Variants in NEDD4 observed in about 807,000 individuals in gnomAD.
The protein encoded by NEDD4 is E3 ubiquitin-protein ligase NEDD4.
A neutral mutation model predicts 144.9 loss-of-function variants in NEDD4; 99 were observed. That is an observed-to-expected ratio of 0.68 (90% CI 0.58 to 0.81). NEDD4 has a LOEUF of 0.81. NEDD4 is among the 30% of genes least tolerant of loss of function. The probability of loss-of-function intolerance (pLI) is 0.00; values close to 1 mark genes in which losing one functional copy is unlikely to be tolerated. For missense variants in NEDD4, 985 were observed against 1,065.9 expected, an observed-to-expected ratio of 0.92 and a Z score of 1.06; for synonymous variants, 318 against 350.6, an observed-to-expected ratio of 0.91 and a Z score of 1.04.
At chr15:55,906,885 C>T (rs2036118277) in intron 5 of NEDD4, among the ~76,000 whole-genome samples, 1 of 152,114 alleles carries the variant, frequency 6.6e-6, no homozygotes, top group Admixed American at 6.5e-5. Context: ...CACTTGAGGT[C>T]AGAGGTTCAA....
chr15:55,878,235 G>A (rs190585453), intron 5 of NEDD4, among the ~76,000 whole-genome samples: 73 of 151,798 alleles, frequency 4.8e-4, no homozygotes, highest in Middle Eastern at 3.4e-3. Flanking sequence ...ATGATGATGA[G>A]TATTACCACA....
intron 1 of NEDD4, among the ~76,000 whole-genome samples, chr15:55,969,473 T>A (rs2037572190): frequency 6.6e-6 from 1 of 152,112 alleles, no homozygotes; most frequent in Non-Finnish European, 1.5e-5. Context: ...AAGGGTGTGC[T>A]TGTGTCACCC....
intron 5 of NEDD4, among the ~76,000 whole-genome samples, chr15:55,880,603 T>C (rs2035152690): frequency 6.6e-6 from 1 of 152,162 alleles, no homozygotes; most frequent in Non-Finnish European, 1.5e-5. Flanking sequence ...GAGGATATAC[T>C]TCACCAAAAT....
At chr15:55,952,053 G>A (rs2037250168) in intron 2 of NEDD4, among the ~76,000 whole-genome samples, 1 of 151,302 alleles carries the variant, frequency 6.6e-6, no homozygotes, top group Admixed American at 6.6e-5. Context: ...GTGTGGCCGC[G>A]CACGGTGGCT....
intron 1 of NEDD4, among the ~76,000 whole-genome samples, chr15:55,972,323 A>G (rs1304828509): frequency 6.6e-6 from 1 of 152,198 alleles, no homozygotes; most frequent in Non-Finnish European, 1.5e-5. Context: ...AACAATTTCT[A>G]AAGTCATAGA....
At chr15:55,898,104 C>G (rs577883266) in intron 5 of NEDD4, among the ~76,000 whole-genome samples, 4 of 152,210 alleles carry the variant, frequency 2.6e-5, no homozygotes, top group Admixed American at 6.5e-5. Context: ...TCAGATAAAA[C>G]TACCCCACTT....
intron 4 of NEDD4, among the ~76,000 whole-genome samples, chr15:55,936,776 A>G (rs923396897): frequency 1.5e-4 from 22 of 150,694 alleles, no homozygotes; most frequent in Admixed American, 6.6e-5. Flanking sequence ...GATTTTAATT[A>G]TAATTTGCTA....
At chr15:55,924,427 T>C (rs1595849145) in intron 5 of NEDD4, 2 of 519,700 alleles carry the variant, frequency 3.8e-6, no homozygotes, top group East Asian at 3.1e-5. Flanking sequence ...CCTTATAATA[T>C]GTTGGCAATC....
At chr15:55,901,513 A>G (rs1165655805) in intron 5 of NEDD4, among the ~76,000 whole-genome samples, 3 of 152,322 alleles carry the variant, frequency 2.0e-5, no homozygotes, top group Middle Eastern at 3.4e-3. Flanking sequence ...ATTCGTGAGT[A>G]TAAGTAAAAA....
At chr15:55,945,609 T>C (rs2037096376) in intron 4 of NEDD4, among the ~76,000 whole-genome samples, 1 of 151,878 alleles carries the variant, frequency 6.6e-6, no homozygotes, top group South Asian at 2.1e-4. Flanking sequence ...AAGGAGAACT[T>C]CCCCAACCTA....
intron 5 of NEDD4, among the ~76,000 whole-genome samples, chr15:55,918,560 T>C (rs1237573562): frequency 1.3e-5 from 2 of 149,482 alleles, no homozygotes; most frequent in South Asian, 2.1e-4. Context: ...AAAGCAAATA[T>C]GTAAAACATA....
intron 2 of NEDD4, among the ~76,000 whole-genome samples, chr15:55,962,787 TA>T (rs2037446484): frequency 6.6e-6 from 1 of 152,044 alleles, no homozygotes; most frequent in Admixed American, 6.6e-5. Context: ...TTCCGACTTT[TA>T]TTTTTTTTAT....
intron 4 of NEDD4, among the ~76,000 whole-genome samples, chr15:55,948,632 C>A (rs551704500): frequency 2.0e-5 from 3 of 152,062 alleles, no homozygotes; most frequent in Non-Finnish European, 4.4e-5. Context: ...CAGAAAAGAG[C>A]CCTCAGAAAT....
At chr15:55,876,471 C>A (rs2034998500) in intron 5 of NEDD4, among the ~76,000 whole-genome samples, 1 of 151,418 alleles carries the variant, frequency 6.6e-6, no homozygotes. Context: ...AAAATGACAA[C>A]ATTGTGCACA....
chr15:55,919,978 T>A (rs2036539542), intron 5 of NEDD4, among the ~76,000 whole-genome samples: 2 of 152,176 alleles, frequency 1.3e-5, no homozygotes, highest in African/African-American at 2.4e-5. Flanking sequence ...AGCATTTAAA[T>A]CAGTAGACTC....
At chr15:55,928,191 T>C (rs576962593) in intron 4 of NEDD4, among the ~76,000 whole-genome samples, 5 of 152,200 alleles carry the variant, frequency 3.3e-5, no homozygotes, top group Non-Finnish European at 7.4e-5. Flanking sequence ...TGTATTTTTT[T>C]AGTAGAGACA....
intron 5 of NEDD4, among the ~76,000 whole-genome samples, chr15:55,898,601 C>A (rs2035809788): frequency 7.0e-6 from 1 of 141,854 alleles, no homozygotes; most frequent in Non-Finnish European, 1.5e-5. Context: ...GGGATAATAT[C>A]TTCTGCTCTT....
At chr15:55,941,975 T>A (rs1046145527) in intron 4 of NEDD4, among the ~76,000 whole-genome samples, 3 of 152,168 alleles carry the variant, frequency 2.0e-5, no homozygotes, top group East Asian at 3.8e-4. Flanking sequence ...AAAAAGAATA[T>A]ACACTTGGGT....
chr15:55,852,580 A>G (rs768546091), intron 12 of NEDD4, 37 bp from the exon 13 acceptor site: 5 of 1,602,634 alleles, frequency 3.1e-6, no homozygotes, highest in Non-Finnish European at 4.3e-6. Context: ...AAATACATCA[A>G]GTTTAAGAAT....
Sources: allele counts gnomAD v4.1 joint callset (sites outside exome capture counted in the v4.1 genomes callset), GRCh38; gene constraint gnomAD v4.1.1; transcripts MANE v1.5; gene names NCBI Gene and HGNC (gene_info 2026-07-23, HGNC 2026-07-21).